SLC37A1: variants seen among roughly 807,000 people sequenced by gnomAD.
The protein encoded by SLC37A1 is solute carrier family 37 member 1.
Under a neutral mutation model 75.3 loss-of-function variants are expected in SLC37A1, and 49 were observed. The observed-to-expected ratio is 0.65, with a 90% CI of 0.52 to 0.83. The LOEUF (loss-of-function observed/expected upper bound fraction) is 0.83, where lower values mean the gene tolerates loss of function less well. SLC37A1 is among the 40% of genes least tolerant of loss of function. The pLI is 0.00. For missense variants in SLC37A1, 566 were observed against 695.0 expected, an observed-to-expected ratio of 0.81 and a Z score of 2.09; for synonymous variants, 268 against 292.1, an observed-to-expected ratio of 0.92 and a Z score of 0.84.
chr21:42,512,614 AAAG>A (rs1601652019), upstream of SLC37A1, among the ~76,000 whole-genome samples: 1 of 152,224 alleles, frequency 6.6e-6, no homozygotes, highest in East Asian at 1.9e-4. Flanking sequence ...CTGCGGAGAG[AAAG>A]AAGGTCTGAA....
intron 5 of SLC37A1, among the ~76,000 whole-genome samples, chr21:42,535,751 C>T (rs945854838): frequency 2.6e-5 from 4 of 152,200 alleles, no homozygotes; most frequent in African/African-American, 9.7e-5. Context: ...CACAGGACCT[C>T]GAGGCAGAGG....
At chr21:42,566,841 G>A in intron 15 of SLC37A1, 144 bp from the exon 16 acceptor site, 1 of 746,764 alleles carries the variant, frequency 1.3e-6, no homozygotes, top group Non-Finnish European at 2.2e-6. Context: ...ATTTGCTTTA[G>A]CTCCTCACTA....
Position 42,518,349 on chromosome 21 carries a change from T to G in SLC37A1, c.-106T>G. The G allele has an allele frequency of 7.0e-7, 1 of 1,427,618 alleles. No individual in the cohort carries two copies. Among genetic ancestry groups the G allele is most frequent in the Non-Finnish European group, 9.9e-7 (1 of 1,013,634 alleles). The allele number at this position is 1,427,618 out of a possible 1,614,324, so 88.4% of individuals were successfully genotyped here. A position where few individuals can be genotyped will look rare whatever the true frequency, so the allele number is the denominator to read the frequency against. ...CCTTCTTTCCACGCTTTCCAGCCTG[T>G]GGGAGCGGCAGGGGCAACAGAGAGA... On this transcript the variant is annotated 5_prime_UTR_variant, in exon 2 of 20. Transcript: ENST00000352133.
At chr21:42,504,793 A>G (rs117073159) in intron 2 of SLC37A1, among the ~76,000 whole-genome samples, 1,798 of 152,236 alleles carry the variant, frequency 0.012, 21 homozygotes, top group Middle Eastern at 0.02. Context: ...ATCCACCTCA[A>G]ACTCAACAAG....
rs2055436973 is a variant in SLC37A1 at position 42,547,395 on chromosome 21, C to CTT, written c.768+256_768+257insTT. The CTT allele has an allele frequency of 4.3e-5, 19 of 442,794 alleles. No homozygotes were observed. In the South Asian group the frequency reaches 6.5e-4, roughly 15 times the overall value. The allele number at this position is 442,794 out of a possible 1,614,324, so 27.4% of individuals were successfully genotyped here. Reference sequence around the variant, plus strand: ...ACTTCATGCTAAGGGGAACCAAAGGCTGGGCCCTGGCCAGGCCTCCTCAGG... The same window carrying CTT: ...ACTTCATGCTAAGGGGAACCAAAGGCTTTGGGCCCTGGCCAGGCCTCCTCAGG... On this transcript the variant is annotated intron_variant, in intron 9 of 19. Coordinates refer to ENST00000352133, the MANE Select transcript of SLC37A1 (RefSeq NM_001320537.2). This position sits in a 1 kb window ranked among gnomAD's most constrained non-coding sequence, Gnocchi z 6.1.
At chr21:42,513,525 G>A (rs529456545), upstream of SLC37A1, among the ~76,000 whole-genome samples, 17 of 151,928 alleles carry the variant, frequency 1.1e-4, 1 homozygote, top group South Asian at 3.5e-3. Context: ...GACCTGCCTT[G>A]AGGACAGAGC....
chr21:42,525,120 C>T (rs576579079), intron 2 of SLC37A1, among the ~76,000 whole-genome samples: 8 of 152,316 alleles, frequency 5.3e-5, no homozygotes, highest in East Asian at 1.9e-4. Flanking sequence ...GGAGCCCTGG[C>T]GAGGGCACAG....
intron 3 of SLC37A1, among the ~76,000 whole-genome samples, chr21:42,527,534 G>A (rs183570251): frequency 6.6e-6 from 1 of 152,222 alleles, no homozygotes; most frequent in Non-Finnish European, 1.5e-5. Context: ...GAGCCCTGGG[G>A]TATGACAAAC....
At chr21:42,559,503 A>C (rs999327605) in intron 11 of SLC37A1, among the ~76,000 whole-genome samples, 3 of 152,194 alleles carry the variant, frequency 2.0e-5, no homozygotes, top group African/African-American at 7.2e-5. Context: ...ACAGGCCTTG[A>C]GCGTGAGCCC....
intron 3 of SLC37A1, among the ~76,000 whole-genome samples, chr21:42,533,099 G>T (rs1019803878): frequency 6.6e-6 from 1 of 150,436 alleles, no homozygotes. Flanking sequence ...TCCTGAAGAG[G>T]GGGGGCAGGA....
chr21:42,562,702 AG>A (rs1569030912), intron 12 of SLC37A1, among the ~76,000 whole-genome samples: 2 of 152,130 alleles, frequency 1.3e-5, no homozygotes, highest in African/African-American at 4.8e-5. Flanking sequence ...GTGTGAACAC[AG>A]GACAGACAAG....
intron 3 of SLC37A1, among the ~76,000 whole-genome samples, chr21:42,529,725 G>A (rs181664229): frequency 6.6e-6 from 1 of 152,160 alleles, no homozygotes; most frequent in Non-Finnish European, 1.5e-5. Context: ...AATTCAGATC[G>A]CCAGGAAATA....
chr21:42,532,992 G>C lies in SLC37A1; in HGVS notation c.139-1706G>C, dbSNP rs536347637. 4.3e-4 allele frequency among the ~76,000 whole-genome samples: 65 copies of C among 152,360 alleles called. 1 individual carries two copies. The South Asian group carries it at 0.013, about 31-fold the overall frequency. ...CACGTGTGACATGCCGGGACTCAGT[G>C]ACGTGGCCCACGTGCTGCCAGCTGT... is the stretch of plus-strand genomic sequence containing the variant. On this transcript the variant is annotated intron_variant, in intron 3 of 19. Coordinates refer to ENST00000352133, the MANE Select transcript of SLC37A1 (RefSeq NM_001320537.2).
At chr21:42,567,137 T>C in intron 16 of SLC37A1, 79 bp downstream of exon 16, 2 of 1,493,708 alleles carry the variant, frequency 1.3e-6, no homozygotes, top group Non-Finnish European at 1.8e-6. Flanking sequence ...CCTCCATTAC[T>C]GTTAGTAAAA....
At chr21:42,564,910 C>A in intron 14 of SLC37A1, 117 bp downstream of exon 14, 1 of 863,390 alleles carries the variant, frequency 1.2e-6, no homozygotes, top group Non-Finnish European at 1.8e-6. Context: ...AAGCCCGCTT[C>A]ATTCCCTCTC....
At chr21:42,557,674 A>G (rs1459379382) in intron 10 of SLC37A1, among the ~76,000 whole-genome samples, 1 of 152,244 alleles carries the variant, frequency 6.6e-6, no homozygotes, top group Non-Finnish European at 1.5e-5. Flanking sequence ...ACTGGGCTGC[A>G]CTCGGTGCCA....
chr21:42,563,244 T>G (rs945451676), intron 12 of SLC37A1, among the ~76,000 whole-genome samples: 2 of 152,160 alleles, frequency 1.3e-5, no homozygotes, highest in Non-Finnish European at 2.9e-5. Context: ...AGGACTTGAG[T>G]CTTGAACTGC....
At chr21:42,577,678 G>A (rs1002667464) in intron 18 of SLC37A1, among the ~76,000 whole-genome samples, 2 of 152,170 alleles carry the variant, frequency 1.3e-5, no homozygotes, top group Admixed American at 1.3e-4. Context: ...CAGAAATACA[G>A]AGCAACATGG....
chr21:42,527,613 C>T (rs896443417), intron 3 of SLC37A1, among the ~76,000 whole-genome samples: 2 of 152,178 alleles, frequency 1.3e-5, no homozygotes, highest in East Asian at 1.9e-4. Flanking sequence ...AATTGAGGCT[C>T]GGGTCTTCGT....
Sources: allele counts gnomAD v4.1 joint callset (sites outside exome capture counted in the v4.1 genomes callset), GRCh38; gene constraint gnomAD v4.1.1; non-coding constraint Gnocchi (gnomAD v3.1); transcripts MANE v1.5; gene names NCBI Gene and HGNC (gene_info 2026-07-23, HGNC 2026-07-21).